SDK1: variants seen among roughly 807,000 people sequenced by gnomAD.
SDK1 encodes protein sidekick-1.
SDK1 carries 157 observed loss-of-function variants against 245.5 expected under a neutral mutation model. The observed-to-expected ratio is 0.64, with a 90% confidence interval of 0.56 to 0.73. The LOEUF (loss-of-function observed/expected upper bound fraction) is 0.73, where lower values mean the gene tolerates loss of function less well. SDK1 is among the 30% of genes least tolerant of loss of function. The pLI is 0.00. For synonymous variants in SDK1, 1,647 were observed against 1,278.5 expected (o/e 1.29, Z -6.15); for missense variants, 3,583 against 3,002.3 (o/e 1.19, Z -4.52).
chr7:4,058,826 G>C (rs988681418), intron 19 of SDK1, among the ~76,000 whole-genome samples: 4 of 152,150 alleles, frequency 2.6e-5, no homozygotes, highest in Non-Finnish European at 5.9e-5. Flanking sequence ...ATCTCCACTG[G>C]ACTGGCCCTA....
At chr7:3,447,645 T>A (rs1025133996) in intron 1 of SDK1, among the ~76,000 whole-genome samples, 2 of 152,054 alleles carry the variant, frequency 1.3e-5, no homozygotes, top group African/African-American at 4.8e-5. Flanking sequence ...TGTGAGGTAT[T>A]GTTTTTTGTT....
chr7:3,446,939 A>T (rs1780359536), intron 1 of SDK1, among the ~76,000 whole-genome samples: 1 of 152,166 alleles, frequency 6.6e-6, no homozygotes, highest in South Asian at 2.1e-4. Flanking sequence ...ACAACAGTCA[A>T]GAAAAAGGTT....
At chr7:3,540,730 TA>T (rs1304904623) in intron 1 of SDK1, among the ~76,000 whole-genome samples, 1 of 152,206 alleles carries the variant, frequency 6.6e-6, no homozygotes, top group Non-Finnish European at 1.5e-5. Context: ...AACTTGCTTT[TA>T]AAGTTGTTTC....
At chr7:3,473,431 G>A (rs78451702) in intron 1 of SDK1, among the ~76,000 whole-genome samples, 8 of 152,298 alleles carry the variant, frequency 5.3e-5, no homozygotes, top group South Asian at 4.1e-4. Flanking sequence ...CCTTGTAGAT[G>A]TGTGTTTAGT....
intron 4 of SDK1, among the ~76,000 whole-genome samples, chr7:3,795,453 T>C (rs752466290): frequency 1.4e-4 from 21 of 152,090 alleles, no homozygotes; most frequent in African/African-American, 4.6e-4. Flanking sequence ...GAAGCAAATA[T>C]AAAGTGCGCT....
intron 1 of SDK1, among the ~76,000 whole-genome samples, chr7:3,377,648 TGAA>T (rs1420671408): frequency 1.3e-5 from 2 of 152,154 alleles, no homozygotes; most frequent in Non-Finnish European, 2.9e-5. Context: ...TGTCCACACC[TGAA>T]GCTCTCCACA....
intron 4 of SDK1, among the ~76,000 whole-genome samples, chr7:3,744,147 A>C (rs890497071): frequency 1.3e-5 from 2 of 151,484 alleles, no homozygotes; most frequent in African/African-American, 4.9e-5. Context: ...TATTCCTAAG[A>C]TTTTTCCATG....
intron 4 of SDK1, among the ~76,000 whole-genome samples, chr7:3,671,812 T>G (rs886225679): frequency 6.6e-6 from 1 of 152,218 alleles, no homozygotes; most frequent in Non-Finnish European, 1.5e-5. Flanking sequence ...ATAACGCCAG[T>G]GGGAAATCTT....
intron 1 of SDK1, among the ~76,000 whole-genome samples, chr7:3,376,546 T>A (rs1461093861): frequency 6.6e-6 from 1 of 152,160 alleles, no homozygotes; most frequent in East Asian, 1.9e-4. Flanking sequence ...AAATATAATT[T>A]AGAACAATGA....
chr7:3,349,823 C>A (rs1274924504), intron 1 of SDK1, among the ~76,000 whole-genome samples: 1 of 152,006 alleles, frequency 6.6e-6, no homozygotes, highest in Non-Finnish European at 1.5e-5. Context: ...AGGATGGTCT[C>A]GATCTCCTGA....
At chr7:4,031,700 G>C (rs1443646) in intron 17 of SDK1, among the ~76,000 whole-genome samples, 11,011 of 152,036 alleles carry the variant, frequency 0.072, 804 homozygotes, top group African/African-American at 0.18. Context: ...TATGACAGAA[G>C]TGAAGTGAAA....
chr7:3,454,538 C>T (rs763821264), intron 1 of SDK1, among the ~76,000 whole-genome samples: 1 of 152,072 alleles, frequency 6.6e-6, no homozygotes, highest in Non-Finnish European at 1.5e-5. Context: ...CCTTTCATAA[C>T]TATCCCTTCC....
At chr7:3,395,748 C>G (rs1331006142) in intron 1 of SDK1, among the ~76,000 whole-genome samples, 2 of 151,744 alleles carry the variant, frequency 1.3e-5, no homozygotes, top group African/African-American at 4.8e-5. Flanking sequence ...AGGAATTTGT[C>G]TATTTAAGTT....
intron 1 of SDK1, among the ~76,000 whole-genome samples, chr7:3,615,578 T>G (rs538476872): frequency 2.7e-4 from 41 of 151,842 alleles, no homozygotes; most frequent in African/African-American, 9.6e-4. Context: ...TTACACTTTG[T>G]ATTCTCAATG....
At chr7:3,956,119 A>G (rs770369743) in intron 7 of SDK1, among the ~76,000 whole-genome samples, 48 of 152,128 alleles carry the variant, frequency 3.2e-4, no homozygotes, top group Non-Finnish European at 5.3e-4. Flanking sequence ...GTCAGGATCA[A>G]TTTTCAGAAG....
At chr7:3,948,402 C>T (rs1358779763) in intron 5 of SDK1, among the ~76,000 whole-genome samples, 1 of 152,090 alleles carries the variant, frequency 6.6e-6, no homozygotes, top group Non-Finnish European at 1.5e-5. Context: ...GGACTACAAG[C>T]ATGTGCCACC....
At chr7:3,401,936 T>A (rs2128573647) in intron 1 of SDK1, among the ~76,000 whole-genome samples, 1 of 152,248 alleles carries the variant, frequency 6.6e-6, no homozygotes, top group South Asian at 2.1e-4. Context: ...TGTTCTTACG[T>A]ATGTGTGTAG....
intron 1 of SDK1, among the ~76,000 whole-genome samples, chr7:3,493,099 C>T (rs977121649): frequency 3.9e-5 from 6 of 152,164 alleles, no homozygotes; most frequent in South Asian, 4.2e-4. Flanking sequence ...TACAGGTGCC[C>T]GCCACCAAGC....
chr7:3,993,502 C>T (rs921987793), intron 14 of SDK1, among the ~76,000 whole-genome samples: 1 of 151,950 alleles, frequency 6.6e-6, no homozygotes, highest in Admixed American at 6.6e-5. Context: ...ATTGTGATTC[C>T]CTATTATACC....
Sources: allele counts gnomAD v4.1 joint callset (sites outside exome capture counted in the v4.1 genomes callset), GRCh38; gene constraint gnomAD v4.1.1; transcripts MANE v1.5; gene names NCBI Gene and HGNC (gene_info 2026-07-23, HGNC 2026-07-21).